CEP85L: variants seen among roughly 807,000 people sequenced by gnomAD.
CEP85L encodes centrosomal protein of 85 kDa-like.
Under a neutral mutation model 100.3 loss-of-function variants are expected in CEP85L, and 60 were observed. The ratio of observed to expected loss-of-function variants is 0.60; its 90% CI spans 0.49 to 0.74. The LOEUF (loss-of-function observed/expected upper bound fraction) is 0.74. CEP85L is among the 30% of genes least tolerant of loss of function. The probability of loss-of-function intolerance (pLI) is 0.00; values close to 1 mark genes in which losing one functional copy is unlikely to be tolerated. For synonymous variants in CEP85L, 319 were observed against 322.7 expected (o/e 0.99, Z 0.12); for missense variants, 973 against 936.2 (o/e 1.04, Z -0.51).
intron 1 of CEP85L, among the ~76,000 whole-genome samples, chr6:118,666,882 A>T (rs1776149307): frequency 6.6e-6 from 1 of 152,164 alleles, no homozygotes; most frequent in African/African-American, 2.4e-5. Context: ...GTACATGGGC[A>T]TTGTTGGGGT....
intron 11 of CEP85L, 69 bp downstream of exon 11, chr6:118,470,467 TA>T (rs1309613173): frequency 1.2e-6 from 1 of 816,618 alleles, no homozygotes; most frequent in African/African-American, 1.8e-5. Context: ...AATGCTCTAT[TA>T]ATATCTATAA....
At chr6:118,569,301 C>T (rs1779731769) in intron 2 of CEP85L, among the ~76,000 whole-genome samples, 1 of 125,946 alleles carries the variant, frequency 7.9e-6, no homozygotes, top group Non-Finnish European at 1.6e-5. Context: ...GAGATTGTGC[C>T]ACTGTACTCC....
At chr6:118,526,003 G>C (rs1776940613) in intron 3 of CEP85L, among the ~76,000 whole-genome samples, 1 of 152,180 alleles carries the variant, frequency 6.6e-6, no homozygotes, top group Non-Finnish European at 1.5e-5. Context: ...GTAATATTAG[G>C]ATGGGATGTT....
chr6:118,524,016 A>G (rs371702488), intron 3 of CEP85L, 96 bp from the exon 4 acceptor site: 12 of 492,992 alleles, frequency 2.4e-5, no homozygotes, highest in African/African-American at 1.6e-4. Flanking sequence ...TTAAAAAAAA[A>G]GAACTCCCTC....
In CEP85L at chr6:118,462,821, A is replaced by C. The variant is rs753552587; in HGVS notation, c.*2584T>G. On this transcript the variant is annotated 3_prime_UTR_variant, in exon 13 of 13. Transcript: ENST00000368491. ...ATACAAGAGGGTGTCCTGGGAAAGG[A>C]AAATTTTCTGAAAAATAAAAATCAA... 6.6e-6 allele frequency: 1 copy of C among 151,960 alleles called. No homozygotes were observed. Among genetic ancestry groups the C allele is most frequent in the African/African-American group, 2.4e-5 (1 of 41,432 alleles). The allele number at this position is 151,960 out of a possible 1,614,324, so 9.4% of individuals were successfully genotyped here.
At chr6:118,520,922 G>A (rs1057358328) in intron 4 of CEP85L, among the ~76,000 whole-genome samples, 1 of 152,092 alleles carries the variant, frequency 6.6e-6, no homozygotes, top group Admixed American at 6.6e-5. Flanking sequence ...GAGATGGGGA[G>A]CATTTAGGAA....
intron 6 of CEP85L, among the ~76,000 whole-genome samples, chr6:118,489,143 T>C (rs940626499): frequency 1.3e-5 from 2 of 151,942 alleles, no homozygotes; most frequent in Non-Finnish European, 2.9e-5. Flanking sequence ...GGCACGTGCC[T>C]GTAATCCCAG....
At chr6:118,635,827 TCTCA>T (rs1774458508) in intron 1 of CEP85L, among the ~76,000 whole-genome samples, 1 of 152,160 alleles carries the variant, frequency 6.6e-6, no homozygotes. Flanking sequence ...TCATTCTCTC[TCTCA>T]CTCTCTCTCC....
intron 6 of CEP85L, among the ~76,000 whole-genome samples, chr6:118,490,071 G>A (rs1774455453): frequency 6.6e-6 from 1 of 152,032 alleles, no homozygotes; most frequent in African/African-American, 2.4e-5. Flanking sequence ...CAAGATGGAT[G>A]GCTCTGGGGG....
intron 1 of CEP85L, among the ~76,000 whole-genome samples, chr6:118,673,991 C>T (rs960513818): frequency 6.6e-6 from 1 of 152,182 alleles, no homozygotes; most frequent in Non-Finnish European, 1.5e-5. Context: ...ACCATATGCA[C>T]ACCATATGCA....
At chr6:118,495,778 C>A in intron 5 of CEP85L, among the ~76,000 whole-genome samples, 1 of 152,130 alleles carries the variant, frequency 6.6e-6, no homozygotes, top group East Asian at 1.9e-4. Context: ...CATCTTTCAG[C>A]CATCACAACA....
chr6:118,534,128 T>A (rs1215934441), intron 3 of CEP85L, among the ~76,000 whole-genome samples: 1 of 151,976 alleles, frequency 6.6e-6, no homozygotes, highest in Non-Finnish European at 1.5e-5. Flanking sequence ...ATCAATGCAA[T>A]TTACCACATT....
chr6:118,558,660 C>CAGAGAGAG (rs369698272), intron 3 of CEP85L, among the ~76,000 whole-genome samples: 1 of 122,216 alleles, frequency 8.2e-6, no homozygotes, highest in African/African-American at 3.2e-5. Context: ...CACACACACA[C>CAGAGAGAG]AGAGAGAGAG....
intron 5 of CEP85L, among the ~76,000 whole-genome samples, chr6:118,509,188 G>T (rs1023015089): frequency 7.2e-5 from 11 of 151,984 alleles, no homozygotes; most frequent in African/African-American, 2.2e-4. Context: ...GGCTTGGAGA[G>T]CCCTCTACTG....
chr6:118,641,030 C>T lies in CEP85L; in HGVS notation c.74-8419G>A, dbSNP rs187534884. Among the ~76,000 whole-genome samples the T allele has an allele frequency of 1.1e-4, 17 of 152,252 alleles. No homozygotes were observed. In the South Asian group the frequency reaches 3.3e-3, roughly 30 times the overall value. On this transcript the variant is annotated intron_variant, in intron 1 of 12. Coordinates refer to ENST00000368491, the MANE Select transcript of CEP85L (RefSeq NM_001042475.3). ...TGTACTGAGTCAACATTTTACTGAG[C>T]ATGTGTAACTTTAATAATGAGAAGA...
chr6:118,709,069 G>A (rs985182027), intron 1 of CEP85L, among the ~76,000 whole-genome samples: 1 of 151,988 alleles, frequency 6.6e-6, no homozygotes, highest in Non-Finnish European at 1.5e-5. Flanking sequence ...TCTCGGAAAG[G>A]GACTGACAGC....
chr6:118,610,446 G>A (rs1772534267), intron 2 of CEP85L, among the ~76,000 whole-genome samples: 2 of 152,246 alleles, frequency 1.3e-5, no homozygotes, highest in African/African-American at 2.4e-5. Flanking sequence ...TTCCCCTTAG[G>A]TGGTATCAGA....
chr6:118,610,896 G>C (rs937891743), intron 2 of CEP85L, among the ~76,000 whole-genome samples: 1 of 152,138 alleles, frequency 6.6e-6, no homozygotes, highest in Non-Finnish European at 1.5e-5. Context: ...AAGAAAAGAA[G>C]CATCAGACTA....
chr6:118,480,305 A>G (rs922951715), intron 9 of CEP85L, 91 bp downstream of exon 9: 4 of 642,246 alleles, frequency 6.2e-6, no homozygotes, highest in Non-Finnish European at 1.0e-5. Flanking sequence ...AACAAAATAT[A>G]AATCACATAA....
Sources: gnomAD v4.1 joint callset for allele counts (sites outside exome capture counted in the v4.1 genomes callset) on GRCh38, gnomAD v4.1.1 for gene constraint, MANE v1.5 for transcripts, NCBI Gene and HGNC (gene_info 2026-07-23, HGNC 2026-07-21) for gene names.